The following ZBTB20 variants were observed in gnomAD, a reference collection of about 807,000 sequenced individuals.
ZBTB20 encodes the protein zinc finger and BTB domain containing 20, also known as zinc finger and BTB domain-containing protein 20.
Under a neutral mutation model 56.9 loss-of-function variants are expected in ZBTB20, and 9 were observed. The observed-to-expected ratio is 0.16, with a 90% CI of 0.10 to 0.28. The LOEUF is 0.28. ZBTB20 is among the 10% of genes least tolerant of loss of function. The probability of loss-of-function intolerance (pLI) is 1.00; values close to 1 mark genes in which losing one functional copy is unlikely to be tolerated. For missense variants in ZBTB20, 655 were observed against 1,003.0 expected (o/e 0.65, Z 4.69); for synonymous variants, 417 against 420.7 (o/e 0.99, Z 0.11).
At chr3:114,378,640 T>TA (rs1169735910) in intron 10 of ZBTB20, among the ~76,000 whole-genome samples, 2 of 152,210 alleles carry the variant, frequency 1.3e-5, no homozygotes, top group Non-Finnish European at 2.9e-5. Context: ...TCCATACCCA[T>TA]AAGGTGTGGC....
At chr3:114,809,744 T>A (rs2072378849) in intron 4 of ZBTB20, among the ~76,000 whole-genome samples, 1 of 152,210 alleles carries the variant, frequency 6.6e-6, no homozygotes, top group Non-Finnish European at 1.5e-5. Flanking sequence ...TGGGTATGAG[T>A]CACACTCCTG....
intron 6 of ZBTB20, among the ~76,000 whole-genome samples, chr3:114,686,357 G>A (rs1305158054): frequency 6.6e-6 from 1 of 152,120 alleles, no homozygotes; most frequent in Non-Finnish European, 1.5e-5. Context: ...TGAAAACCTA[G>A]GGAAGCCTAG....
intron 4 of ZBTB20, among the ~76,000 whole-genome samples, chr3:114,801,792 T>TG (rs145854165): frequency 0.028 from 4,229 of 151,944 alleles, 117 homozygotes; most frequent in African/African-American, 0.07. Context: ...TTGTACATCT[T>TG]GTCACATGCA....
chr3:114,794,891 C>T (rs2071233746), intron 5 of ZBTB20, among the ~76,000 whole-genome samples: 1 of 151,954 alleles, frequency 6.6e-6, no homozygotes, highest in African/African-American at 2.4e-5. Context: ...CCGGTCATTG[C>T]ACATGATAAA....
intron 7 of ZBTB20, among the ~76,000 whole-genome samples, chr3:114,479,068 G>C (rs1359062511): frequency 6.0e-4 from 3 of 5,008 alleles, no homozygotes; most frequent in African/African-American, 1.7e-3. Context: ...TCCTCTATTG[G>C]GGGGGGGCCA....
At chr3:114,401,083 G>GACACACACACACACACACACACACACAC (rs201829025) in intron 7 of ZBTB20, among the ~76,000 whole-genome samples, 17 of 133,100 alleles carry the variant, frequency 1.3e-4, no homozygotes, top group South Asian at 7.8e-4. Context: ...CTACCTCCCA[G>GACACACACACACACACACACACACACAC]ACACACACAC....
At chr3:114,732,835 G>A (rs2108549692) in intron 5 of ZBTB20, among the ~76,000 whole-genome samples, 1 of 152,202 alleles carries the variant, frequency 6.6e-6, no homozygotes, top group African/African-American at 2.4e-5. Context: ...GGTGCCTGAG[G>A]TTAGAAATAC....
intron 4 of ZBTB20, among the ~76,000 whole-genome samples, chr3:114,808,684 GT>G (rs1482619599): frequency 7.3e-5 from 11 of 151,714 alleles, no homozygotes; most frequent in African/African-American, 2.7e-4. Context: ...ATTGATTTCT[GT>G]TCTTATCTTT....
At chr3:114,584,653 G>C (rs1349003568) in intron 6 of ZBTB20, among the ~76,000 whole-genome samples, 1 of 152,134 alleles carries the variant, frequency 6.6e-6, no homozygotes, top group Non-Finnish European at 1.5e-5. Flanking sequence ...TCACCCTGGA[G>C]ACAGTAATGT....
chr3:114,495,747 G>C (rs1228416678), intron 7 of ZBTB20, among the ~76,000 whole-genome samples: 2 of 151,882 alleles, frequency 1.3e-5, no homozygotes, highest in African/African-American at 4.8e-5. Flanking sequence ...GAGGAGGAAG[G>C]GTCCTGAAAA....
chr3:114,471,667 T>C (rs2109263629), intron 7 of ZBTB20, among the ~76,000 whole-genome samples: 1 of 152,298 alleles, frequency 6.6e-6, no homozygotes, highest in Non-Finnish European at 1.5e-5. Flanking sequence ...ATTTCATGTT[T>C]TTCCTTTACA....
chr3:114,560,863 G>A (rs1281954805), intron 6 of ZBTB20, among the ~76,000 whole-genome samples: 1 of 152,174 alleles, frequency 6.6e-6, no homozygotes, highest in Non-Finnish European at 1.5e-5. Flanking sequence ...TTTCTCTGCA[G>A]CAGGTGATGC....
At chr3:115,133,983 C>A (rs78385242) in intron 1 of ZBTB20, among the ~76,000 whole-genome samples, 3 of 152,078 alleles carry the variant, frequency 2.0e-5, no homozygotes, top group Non-Finnish European at 2.9e-5. Context: ...AAAGAACCAG[C>A]CTTTAGATTT....
chr3:114,979,019 A>T (rs2078222752), intron 2 of ZBTB20, among the ~76,000 whole-genome samples: 1 of 151,934 alleles, frequency 6.6e-6, no homozygotes, highest in African/African-American at 2.4e-5. Flanking sequence ...GGAAAGGAGA[A>T]AGGGCAGGTA....
At chr3:115,032,601 T>C (rs2080735272) in intron 2 of ZBTB20, among the ~76,000 whole-genome samples, 1 of 151,430 alleles carries the variant, frequency 6.6e-6, no homozygotes, top group Non-Finnish European at 1.5e-5. Context: ...CTCAAGTGTA[T>C]GTAAGGCAAT....
At chr3:114,943,660 C>A in intron 3 of ZBTB20, among the ~76,000 whole-genome samples, 1 of 144,344 alleles carries the variant, frequency 6.9e-6, no homozygotes, top group African/African-American at 2.8e-5. Context: ...AGAAAATATC[C>A]AGAATAAAAC....
rs932793421 is a variant in ZBTB20, at chr3:114,896,726, T to A, written c.-417+3578A>T. On this transcript the variant is annotated intron_variant, in intron 4 of 11. Transcript: ENST00000675478. ...AGCATCATAAATGTATTTAATACCA[T>A]TGAACTGTATACCAAAAAATAGTTA... Among the ~76,000 whole-genome samples the A allele has an allele frequency of 8.0e-4, 122 of 152,234 alleles. 2 individuals carry two copies. The highest frequency in any genetic ancestry group is 2.7e-3 in the African/African-American group (114 of 41,564).
At chr3:114,648,308 C>T (rs2059955575) in intron 6 of ZBTB20, among the ~76,000 whole-genome samples, 1 of 151,862 alleles carries the variant, frequency 6.6e-6, no homozygotes, top group Non-Finnish European at 1.5e-5. Flanking sequence ...GGAGTGCTTA[C>T]TGTGTAATAC....
rs2108016062 is a variant in ZBTB20, at chr3:114,325,383, CA to C, written c.*13621del. The C allele has an allele frequency of 6.6e-6, 1 of 152,272 alleles. No individual in the cohort carries two copies. The highest frequency in any genetic ancestry group is 6.5e-5 in the Admixed American group (1 of 15,290). The allele number at this position is 152,272 out of a possible 1,614,324, so 9.4% of individuals were successfully genotyped here. On this transcript the variant is annotated 3_prime_UTR_variant, in exon 12 of 12. Coordinates refer to ENST00000675478, the MANE Select transcript of ZBTB20 (RefSeq NM_001348800.3). Reference sequence around the variant, plus strand: ...AACATGCATAAAGCACTTTGAACTACAGGAAAATCTTATCTCAAATTTGAAC... The same window carrying C: ...AACATGCATAAAGCACTTTGAACTACGGAAAATCTTATCTCAAATTTGAAC...
Sources: gnomAD v4.1 joint callset for allele counts (sites outside exome capture counted in the v4.1 genomes callset) on GRCh38, gnomAD v4.1.1 for gene constraint, MANE v1.5 for transcripts, NCBI Gene and HGNC (gene_info 2026-07-23, HGNC 2026-07-21) for gene names.